The following LMLN variants were observed in gnomAD, a reference collection of about 807,000 sequenced individuals.
LMLN encodes leishmanolysin-like peptidase.
A neutral mutation model predicts 92.3 loss-of-function variants in LMLN; 70 were observed. The observed-to-expected ratio is 0.76, with a 90% confidence interval of 0.63 to 0.92. The LOEUF is 0.92. Ranked by LOEUF, LMLN falls within the 40% of genes least tolerant of loss-of-function variation. The pLI, the probability that LMLN is intolerant of heterozygous loss-of-function variation, is 0.00. For synonymous variants in LMLN, 308 were observed against 296.2 expected, an observed-to-expected ratio of 1.04 and a Z score of -0.41; for missense variants, 691 against 814.6, an observed-to-expected ratio of 0.85 and a Z score of 1.85.
intron 11 of LMLN, among the ~76,000 whole-genome samples, chr3:198,017,074 G>A (rs762461279): frequency 6.6e-6 from 1 of 151,882 alleles, no homozygotes; most frequent in Non-Finnish European, 1.5e-5. Flanking sequence ...GTGAGCAATG[G>A]TTGTGCCACT....
rs143010042 is a variant in LMLN, at chr3:197,968,650, C to T, written c.220-5727C>T. On this transcript the variant is annotated intron_variant, in intron 1 of 15. Coordinates refer to ENST00000330198, the Ensembl canonical transcript of LMLN. ...TTATGTTCCTCTGCCGCGCCTCCAGCCGGTCCCTCCGTTCAGGGTCCCTGA... is the reference window on the plus strand; with the variant it reads ...TTATGTTCCTCTGCCGCGCCTCCAGTCGGTCCCTCCGTTCAGGGTCCCTGA... 3.6e-3 allele frequency among the ~76,000 whole-genome samples: 546 copies of T among 152,270 alleles called. 1 individual carries two copies. Among genetic ancestry groups the T allele is most frequent in the African/African-American group, 0.013 (530 of 41,546 alleles).
At chr3:198,014,724 T>C (rs376200159) in intron 11 of LMLN, among the ~76,000 whole-genome samples, 500 of 80,924 alleles carry the variant, frequency 6.2e-3, no homozygotes, top group Middle Eastern at 0.025. Flanking sequence ...TTCTCTCCAC[T>C]CTTCAGAGCC....
rs190221045 is a variant in LMLN at position 197,963,977 on chromosome 3, T to G, written c.219+3537T>G. Among the ~76,000 whole-genome samples, 754 of 152,360 alleles carry G rather than the reference T, an allele frequency of 4.9e-3. 4 individuals carry two copies. The highest frequency in any genetic ancestry group is 0.017 in the African/African-American group (719 of 41,584). On this transcript the variant is annotated intron_variant, in intron 1 of 15. Transcript: ENST00000330198. ...TCTGGTTTCCCGAGGGTTTTTATCC[T>G]GAATGGGGACAAATTTTGTCAAATG... is the stretch of plus-strand genomic sequence containing the variant.
In LMLN at chr3:198,019,550, G is replaced by A. The variant is rs1433779502; in HGVS notation, c.1365+165G>A. Among the ~76,000 whole-genome samples, 1 of 152,108 alleles carries A rather than the reference G, an allele frequency of 6.6e-6. No individual in the cohort carries two copies. Among genetic ancestry groups the A allele is most frequent in the Non-Finnish European group, 1.5e-5 (1 of 68,028 alleles). ...ATGCTTCCATTTCTTTAAAACTAAT[G>A]TCCTAATTGATAGCACTTAGTTAAA... On this transcript the variant is annotated intron_variant, in intron 12 of 15. Coordinates refer to ENST00000330198, the Ensembl canonical transcript of LMLN. The surrounding 1 kb of genome is among the most constrained non-coding windows in gnomAD (Gnocchi z 5.5).
chr3:197,967,108 A>T (rs1392832583), intron 1 of LMLN, among the ~76,000 whole-genome samples: 2 of 152,166 alleles, frequency 1.3e-5, no homozygotes, highest in Non-Finnish European at 2.9e-5. Context: ...CTATATTAAT[A>T]AGGGATATTG....
At chr3:197,970,244 C>T (rs1364029155) in intron 1 of LMLN, among the ~76,000 whole-genome samples, 1 of 152,092 alleles carries the variant, frequency 6.6e-6, no homozygotes, top group East Asian at 1.9e-4. Context: ...TATTTGTCTC[C>T]AAAGAAATTA....
exon 9 of LMLN, chr3:197,990,594 G>A (rs778670724): frequency 7.5e-6 from 12 of 1,593,118 alleles, no homozygotes; most frequent in East Asian, 2.2e-5. Flanking sequence ...AAAGTAGTTC[G>A]AAAAGTGGAG....
chr3:198,038,328 TGGATACCA>T, intron 15 of LMLN: 2 of 427,490 alleles, frequency 4.7e-6, no homozygotes, highest in Non-Finnish European at 8.5e-6. Context: ...CAATTTTTTT[TGGATACCA>T]TTTTTTAACC....
intron 8 of LMLN, 37 bp downstream of exon 8, chr3:197,985,927 A>C (rs769241460): frequency 1.6e-6 from 2 of 1,269,032 alleles, no homozygotes; most frequent in Non-Finnish European, 2.3e-6. Flanking sequence ...CTCCTCTTTT[A>C]GGAGGGTGCT....
chr3:198,034,000 A>T (rs76921485), intron 14 of LMLN, among the ~76,000 whole-genome samples: 10,321 of 152,306 alleles, frequency 0.068, 444 homozygotes, highest in African/African-American at 0.11. Flanking sequence ...AAATGACTTC[A>T]AATATACTTT....
chr3:197,996,237 T>G (rs1722014686), exon 10 of LMLN: 1 of 1,606,206 alleles, frequency 6.2e-7, no homozygotes, highest in South Asian at 1.1e-5. Context: ...AAAATCAAGG[T>G]GGTGTGGGCA....
intron 6 of LMLN, among the ~76,000 whole-genome samples, chr3:197,983,249 A>G (rs993798149): frequency 6.6e-6 from 1 of 152,192 alleles, no homozygotes; most frequent in African/African-American, 2.4e-5. Context: ...TAGTGGTAGG[A>G]GAACTGAGCT....
chr3:198,003,389 A>G (rs1051261915), intron 11 of LMLN, among the ~76,000 whole-genome samples: 4 of 152,176 alleles, frequency 2.6e-5, no homozygotes, highest in Non-Finnish European at 5.9e-5. Flanking sequence ...TCATAAATAT[A>G]TATATTTTAC....
At chr3:198,008,582 G>A (rs577923443) in intron 11 of LMLN, among the ~76,000 whole-genome samples, 1 of 152,202 alleles carries the variant, frequency 6.6e-6, no homozygotes, top group African/African-American at 2.4e-5. Flanking sequence ...CAAAAATGAG[G>A]TGGGCATGGT....
In LMLN at chr3:197,996,290, T is replaced by G; in HGVS notation, c.1155+8T>G. ...GAAAAAAGGTTATTAGAGGTCAGTT[T>G]GTTTTTAAATTTTCCTAGACTTTAT... On this transcript the variant is annotated splice_region_variant and intron_variant, in intron 10 of 15. Coordinates refer to ENST00000330198, the Ensembl canonical transcript of LMLN. The G allele has an allele frequency of 4.7e-6, 7 of 1,482,186 alleles. No homozygotes were observed. The highest frequency in any genetic ancestry group is 6.4e-6 in the Non-Finnish European group (7 of 1,086,150). 91.8% of individuals were successfully genotyped at this position (1,482,186 alleles called of 1,614,324 possible).
intron 14 of LMLN, among the ~76,000 whole-genome samples, chr3:198,034,811 A>G (rs1723167680): frequency 1.3e-5 from 2 of 152,176 alleles, no homozygotes; most frequent in Admixed American, 1.3e-4. Flanking sequence ...GGGAGAAAGA[A>G]TGAAGAACTT....
At chr3:197,970,287 A>G (rs1183709930) in intron 1 of LMLN, among the ~76,000 whole-genome samples, 1 of 152,224 alleles carries the variant, frequency 6.6e-6, no homozygotes, top group East Asian at 1.9e-4. Context: ...AATTGTGTTG[A>G]GGATTCCCAA....
At chr3:198,010,686 A>G (rs1722408985) in intron 11 of LMLN, among the ~76,000 whole-genome samples, 1 of 152,114 alleles carries the variant, frequency 6.6e-6, no homozygotes, top group Non-Finnish European at 1.5e-5. Context: ...CCTGGGCTCT[A>G]GCAATCGGCC....
intron 1 of LMLN, among the ~76,000 whole-genome samples, chr3:197,966,597 C>G (rs1341383873): frequency 1.3e-5 from 2 of 150,498 alleles, no homozygotes; most frequent in African/African-American, 4.9e-5. Context: ...AACTGTCTTT[C>G]CTGCACCAGT....
Sources: allele counts gnomAD v4.1 joint callset (sites outside exome capture counted in the v4.1 genomes callset), GRCh38; gene constraint gnomAD v4.1.1; non-coding constraint Gnocchi (gnomAD v3.1); transcripts MANE v1.5; gene names NCBI Gene and HGNC (gene_info 2026-07-23, HGNC 2026-07-21).